The following AKT3 variants were observed in gnomAD, a reference collection of about 807,000 sequenced individuals.
AKT3 encodes AKT serine/threonine kinase 3.
A neutral mutation model predicts 65.3 loss-of-function variants in AKT3; 15 were observed. The observed-to-expected ratio is 0.23, with a 90% CI of 0.15 to 0.35. The LOEUF (loss-of-function observed/expected upper bound fraction) is 0.35, where lower values mean the gene tolerates loss of function less well. AKT3 is among the 10% of genes least tolerant of loss of function. The pLI is 1.00. For missense variants in AKT3, 243 were observed against 576.5 expected, an observed-to-expected ratio of 0.42 and a Z score of 5.92; for synonymous variants, 206 against 183.8, an observed-to-expected ratio of 1.12 and a Z score of -0.98.
At chr1:243,696,743 G>C (rs1685087997) in intron 2 of AKT3, among the ~76,000 whole-genome samples, 1 of 151,890 alleles carries the variant, frequency 6.6e-6, no homozygotes, top group Non-Finnish European at 1.5e-5. Context: ...CTCTCTGATT[G>C]AGCCCAATCA....
intron 13 of AKT3, among the ~76,000 whole-genome samples, chr1:243,512,068 T>C (rs1670047320): frequency 6.6e-6 from 1 of 152,252 alleles, no homozygotes; most frequent in African/African-American, 2.4e-5. Context: ...AGCTAGTCTG[T>C]AATTTCATCT....
intron 2 of AKT3, among the ~76,000 whole-genome samples, chr1:243,834,999 T>C (rs1195496008): frequency 1.3e-5 from 2 of 152,076 alleles, no homozygotes; most frequent in Non-Finnish European, 2.9e-5. Context: ...AAATATAGCA[T>C]TGGAAGAGTC....
intron 2 of AKT3, among the ~76,000 whole-genome samples, chr1:243,709,601 T>G (rs1686021592): frequency 6.6e-6 from 1 of 151,954 alleles, no homozygotes; most frequent in African/African-American, 2.4e-5. Flanking sequence ...TATTTTAAGA[T>G]CATAAAAATT....
chr1:243,779,490 G>A (rs1443239177), intron 2 of AKT3, among the ~76,000 whole-genome samples: 1 of 151,962 alleles, frequency 6.6e-6, no homozygotes, highest in African/African-American at 2.4e-5. Flanking sequence ...AAAGAAACAG[G>A]AGATCATAAG....
intron 8 of AKT3, among the ~76,000 whole-genome samples, chr1:243,604,941 A>G (rs968058549): frequency 3.3e-5 from 5 of 152,228 alleles, no homozygotes; most frequent in African/African-American, 9.6e-5. Context: ...GAACGGTATT[A>G]CACTGGAGAC....
intron 2 of AKT3, 51 bp downstream of exon 2, chr1:243,843,074 A>G (rs746562923): frequency 1.4e-5 from 22 of 1,583,932 alleles, no homozygotes; most frequent in Non-Finnish European, 1.9e-5. Flanking sequence ...GACACCACTC[A>G]CTGCTAGCAC....
intron 5 of AKT3, among the ~76,000 whole-genome samples, chr1:243,638,359 G>C (rs867556070): frequency 6.6e-6 from 1 of 152,076 alleles, no homozygotes; most frequent in Non-Finnish European, 1.5e-5. Flanking sequence ...TAATTAATGT[G>C]CCTGTTTTCA....
chr1:243,816,752 G>A (rs1343765889), intron 2 of AKT3, among the ~76,000 whole-genome samples: 1 of 151,932 alleles, frequency 6.6e-6, no homozygotes, highest in African/African-American at 2.4e-5. Flanking sequence ...GGAAAATTAA[G>A]GGAAAAAAGA....
At position 243,504,873 on chromosome 1, in the gene AKT3, T is replaced by A. The variant is rs183115836; in HGVS notation, c.*376A>T. Reference sequence around the variant, plus strand: ...AAAAAATGTACCTAGAATCAGTGTATCTCATTTAGCCTTCACTGAGGGAAA... The same window carrying A: ...AAAAAATGTACCTAGAATCAGTGTAACTCATTTAGCCTTCACTGAGGGAAA... On this transcript the variant is annotated 3_prime_UTR_variant, in exon 14 of 14. Coordinates refer to ENST00000673466, the MANE Select transcript of AKT3 (RefSeq NM_005465.7). 2.0e-5 allele frequency: 5 copies of A among 250,648 alleles called. No individual in the cohort carries two copies. The highest frequency in any genetic ancestry group is 1.1e-4 in the African/African-American group (5 of 45,776). The allele number at this position is 250,648 out of a possible 1,614,324, so 15.5% of individuals were successfully genotyped here.
At chr1:243,832,120 TAAAAAAAAAAAAAAAAAAAAAAA>T (rs869235352) in intron 2 of AKT3, among the ~76,000 whole-genome samples, 37 of 44,772 alleles carry the variant, frequency 8.3e-4, no homozygotes, top group African/African-American at 2.8e-3. Context: ...TCCCTAAAAC[TAAAAAAAAAAAAAAAAAAAAAAA>T]AAAAAAAAAA....
At chr1:243,519,950 T>G (rs1051033257) in intron 12 of AKT3, among the ~76,000 whole-genome samples, 12 of 152,170 alleles carry the variant, frequency 7.9e-5, no homozygotes, top group Non-Finnish European at 1.6e-4. Context: ...TGTTGAGAAA[T>G]AAAGTTTATA....
At chr1:243,626,210 T>G (rs953504881) in intron 6 of AKT3, among the ~76,000 whole-genome samples, 1 of 152,158 alleles carries the variant, frequency 6.6e-6, no homozygotes, top group Non-Finnish European at 1.5e-5. Context: ...AATATGGGTC[T>G]TACAGATGCT....
chr1:243,689,291 ATATT>A (rs1332444044), intron 3 of AKT3, among the ~76,000 whole-genome samples: 3 of 152,040 alleles, frequency 2.0e-5, no homozygotes, highest in African/African-American at 4.8e-5. Flanking sequence ...TATATAGTAT[ATATT>A]TACATAGTCT....
chr1:243,693,240 TTTGATATATA>T (rs1684817077), intron 3 of AKT3, among the ~76,000 whole-genome samples: 2 of 56,498 alleles, frequency 3.5e-5, no homozygotes, highest in African/African-American at 1.3e-4. Flanking sequence ...GTAGCTACAA[TTTGATATATA>T]TATATATATA....
intron 8 of AKT3, among the ~76,000 whole-genome samples, chr1:243,580,167 C>A (rs946557105): frequency 2.6e-5 from 4 of 152,164 alleles, no homozygotes; most frequent in African/African-American, 9.7e-5. Context: ...CTACTGGAAT[C>A]ATGACGTACA....
chr1:243,713,575 AT>A (rs1036261320), intron 2 of AKT3, among the ~76,000 whole-genome samples: 3 of 151,700 alleles, frequency 2.0e-5, no homozygotes, highest in Non-Finnish European at 4.4e-5. Context: ...TGGAGCTGTC[AT>A]TTTTTTCTTC....
At chr1:243,492,273 A>G (rs1666639279) in intron 13 of AKT3, among the ~76,000 whole-genome samples, 1 of 147,754 alleles carries the variant, frequency 6.8e-6, no homozygotes, top group Non-Finnish European at 1.5e-5. Flanking sequence ...GCACTGGCTC[A>G]AGCTCTCGGC....
intron 13 of AKT3, among the ~76,000 whole-genome samples, chr1:243,490,167 TA>T: frequency 6.6e-6 from 1 of 152,362 alleles, no homozygotes; most frequent in South Asian, 2.1e-4. Flanking sequence ...AAGGAACCTG[TA>T]AGTACTGACT....
At chr1:243,660,511 C>A (rs1290742923) in intron 4 of AKT3, among the ~76,000 whole-genome samples, 1 of 152,156 alleles carries the variant, frequency 6.6e-6, no homozygotes, top group East Asian at 1.9e-4. Flanking sequence ...AATTCAACAA[C>A]CCTTCATGCT....
Sources: gnomAD v4.1 joint callset for allele counts (sites outside exome capture counted in the v4.1 genomes callset) on GRCh38, gnomAD v4.1.1 for gene constraint, MANE v1.5 for transcripts, NCBI Gene and HGNC (gene_info 2026-07-23, HGNC 2026-07-21) for gene names.